The following SLC18A2 variants were observed in gnomAD, a reference collection of about 807,000 sequenced individuals.
SLC18A2 encodes solute carrier family 18 member A2.
A neutral mutation model predicts 59.2 loss-of-function variants in SLC18A2; 33 were observed. The observed-to-expected ratio is 0.56, with a 90% CI of 0.42 to 0.75. The LOEUF (loss-of-function observed/expected upper bound fraction) is 0.75, where lower values mean the gene tolerates loss of function less well. SLC18A2 is among the 30% of genes least tolerant of loss of function. SLC18A2 has a pLI of 0.00. For missense variants in SLC18A2, 569 were observed against 668.6 expected, an observed-to-expected ratio of 0.85 and a Z score of 1.64; for synonymous variants, 228 against 253.5, an observed-to-expected ratio of 0.90 and a Z score of 0.95.
At chr10:117,259,116 A>G (rs577280459) in intron 10 of SLC18A2, among the ~76,000 whole-genome samples, 1 of 152,358 alleles carries the variant, frequency 6.6e-6, no homozygotes, top group African/African-American at 2.4e-5. Context: ...TTAGACTGGC[A>G]TTCAGCACTG....
chr10:117,251,458 G>T (rs933020514), intron 3 of SLC18A2, among the ~76,000 whole-genome samples: 5 of 152,172 alleles, frequency 3.3e-5, no homozygotes, highest in African/African-American at 9.7e-5. Context: ...CATCTGAACT[G>T]CAGGTCAGAA....
rs747196486 is a variant in SLC18A2 at position 117,255,622 on chromosome 10, C to T, written c.860C>T (p.Thr287Met). The T allele has an allele frequency of 1.4e-5, 22 of 1,613,826 alleles. No homozygotes were observed. Among genetic ancestry groups the T allele is most frequent in the Middle Eastern group, 1.6e-4 (1 of 6,062 alleles). ...PESQKGTPLT[T>M]LLKDPYILIA... ...AGTCAGAAGGGGACACCCCTAACCACGCTGCTGAAGGACCCGTACATCCTC... is the reference window on the plus strand; with the variant it reads ...AGTCAGAAGGGGACACCCCTAACCATGCTGCTGAAGGACCCGTACATCCTC... The change falls in exon 9 of 16, where the codon ACG (threonine) becomes ATG (methionine). Residue 287 changes from threonine to methionine, a missense_variant. Thr to Met is a moderately conservative substitution (Grantham distance 81). Coordinates refer to ENST00000644641, the MANE Select transcript of SLC18A2 (RefSeq NM_003054.6).
chr10:117,241,346 G>GGGGCGCA (rs1241518588), intron 1 of SLC18A2, 126 bp downstream of exon 1: 1 of 198,740 alleles, frequency 5.0e-6, no homozygotes, highest in Non-Finnish European at 1.0e-5. Flanking sequence ...CGGGGCAGCC[G>GGGGCGCA]GGGCGCAGGG....
At chr10:117,251,354 C>G (rs549980643) in intron 3 of SLC18A2, among the ~76,000 whole-genome samples, 2 of 152,224 alleles carry the variant, frequency 1.3e-5, no homozygotes, top group Admixed American at 1.3e-4. Flanking sequence ...GCCGTGTGAG[C>G]CCCCGGTGTT....
intron 10 of SLC18A2, among the ~76,000 whole-genome samples, chr10:117,262,223 C>T (rs1844301027): frequency 6.7e-6 from 1 of 150,192 alleles, no homozygotes; most frequent in East Asian, 1.9e-4. Flanking sequence ...GAATTTTAAA[C>T]CACGTGAATT....
chr10:117,258,679 C>T (rs1189491617), intron 10 of SLC18A2, among the ~76,000 whole-genome samples: 1 of 152,036 alleles, frequency 6.6e-6, no homozygotes, highest in African/African-American at 2.4e-5. Flanking sequence ...CCCCAAAGCC[C>T]TTCAGATTCC....
In SLC18A2 at chr10:117,255,586, T is replaced by A; in HGVS notation, c.835-11T>A. 1 of 1,614,070 alleles carries A rather than the reference T, an allele frequency of 6.2e-7. No homozygotes were observed. Among genetic ancestry groups the A allele is most frequent in the Non-Finnish European group, 8.5e-7 (1 of 1,180,000 alleles). On this transcript the variant is annotated splice_polypyrimidine_tract_variant and intron_variant, in intron 8 of 15. Coordinates refer to ENST00000644641, the MANE Select transcript of SLC18A2 (RefSeq NM_003054.6). ...TGGTGCTGCTTCTGACCCGTGTTTT[T>A]TTCTTGACAGAGTCAGAAGGGGACA...
At chr10:117,275,041 C>T (rs971284173) in intron 15 of SLC18A2, among the ~76,000 whole-genome samples, 1 of 152,204 alleles carries the variant, frequency 6.6e-6, no homozygotes, top group Admixed American at 6.5e-5. Flanking sequence ...TCCACCCCTA[C>T]ATTTCCTTGC....
intron 8 of SLC18A2, 32 bp downstream of exon 8, chr10:117,255,554 G>C (rs41284384): frequency 6.2e-7 from 1 of 1,614,144 alleles, no homozygotes; most frequent in Non-Finnish European, 8.5e-7. Flanking sequence ...CCCTGGGGGA[G>C]GGGGCATGGT....
At chr10:117,256,725 C>T (rs565098752) in intron 9 of SLC18A2, among the ~76,000 whole-genome samples, 27 of 152,294 alleles carry the variant, frequency 1.8e-4, no homozygotes, top group African/African-American at 6.0e-4. Context: ...CTGCAAGATG[C>T]AGGGGGCATC....
chr10:117,255,130 C>G (rs1844213682), intron 6 of SLC18A2, 147 bp from the exon 7 acceptor site: 2 of 719,540 alleles, frequency 2.8e-6, no homozygotes, highest in South Asian at 3.7e-5. Flanking sequence ...GACAACTGAA[C>G]TCTAACCGAA....
chr10:117,242,743 GT>G (rs1233531017), intron 2 of SLC18A2, among the ~76,000 whole-genome samples: 1 of 152,078 alleles, frequency 6.6e-6, no homozygotes, highest in Non-Finnish European at 1.5e-5. Flanking sequence ...GTTTTTGTTT[GT>G]TTTTTTGAAA....
At chr10:117,244,347 A>G in intron 3 of SLC18A2, 34 bp downstream of exon 3, 4 of 1,552,198 alleles carry the variant, frequency 2.6e-6, no homozygotes, top group South Asian at 1.2e-5. Flanking sequence ...AGAGTTTGAT[A>G]TTTGTATCAG....
chr10:117,261,259 G>A (rs1389713474), intron 10 of SLC18A2, among the ~76,000 whole-genome samples: 2 of 151,228 alleles, frequency 1.3e-5, no homozygotes, highest in Non-Finnish European at 2.9e-5. Context: ...TTAGCCAGGA[G>A]TAGTAGCGCA....
chr10:117,249,506 C>G (rs927904783), intron 3 of SLC18A2, among the ~76,000 whole-genome samples: 1 of 152,192 alleles, frequency 6.6e-6, no homozygotes, highest in Non-Finnish European at 1.5e-5. Context: ...TACTGCACAC[C>G]TTTTAGGAGT....
At chr10:117,241,948 G>C in intron 2 of SLC18A2, 134 bp downstream of exon 2, 2 of 914,118 alleles carry the variant, frequency 2.2e-6, no homozygotes, top group South Asian at 3.7e-5. Flanking sequence ...TTGCAAAAAA[G>C]ACATCCCCTC....
intron 10 of SLC18A2, 53 bp downstream of exon 10, chr10:117,257,945 C>T: frequency 7.6e-7 from 1 of 1,320,356 alleles, no homozygotes; most frequent in Non-Finnish European, 1.1e-6. Context: ...CCCAGGGCAG[C>T]CTTTGTCCCC....
In SLC18A2 at chr10:117,241,702, G is replaced by A. The variant is rs1589975966; in HGVS notation, c.9G>A (p.Leu3=). The A allele has an allele frequency of 1.9e-6, 3 of 1,595,986 alleles. No individual in the cohort carries two copies. In the African/African-American group the frequency reaches 4.0e-5, roughly 22 times the overall value. MA[L]SELALVRWLQ... Reference sequence around the variant, plus strand: ...AGCGGAGCCCCGGAGCCATGGCCCTGAGCGAGCTGGCGCTGGTCCGCTGGC... The same window carrying A: ...AGCGGAGCCCCGGAGCCATGGCCCTAAGCGAGCTGGCGCTGGTCCGCTGGC... The change falls in exon 2 of 16, where the codon CTG becomes CTA. Residue 3 remains leucine (L), a synonymous_variant. Coordinates refer to ENST00000644641, the MANE Select transcript of SLC18A2 (RefSeq NM_003054.6).
At chr10:117,271,868 T>C (rs1844431425) in intron 15 of SLC18A2, among the ~76,000 whole-genome samples, 3 of 152,204 alleles carry the variant, frequency 2.0e-5, no homozygotes, top group Admixed American at 1.3e-4. Flanking sequence ...TGATAACAGT[T>C]TAAGGCTGAA....
Sources: allele counts gnomAD v4.1 joint callset (sites outside exome capture counted in the v4.1 genomes callset), GRCh38; gene constraint gnomAD v4.1.1; transcripts MANE v1.5; gene names NCBI Gene and HGNC (gene_info 2026-07-23, HGNC 2026-07-21).